Variants in DLG5 observed in about 807,000 individuals in gnomAD.
DLG5 encodes the protein disks large homolog 5.
In DLG5, 48 loss-of-function variants were observed where a neutral mutation model predicts 189.8. The observed-to-expected ratio is 0.25, with a 90% CI of 0.20 to 0.32. The LOEUF (loss-of-function observed/expected upper bound fraction) is 0.32. DLG5 is among the 10% of genes least tolerant of loss of function. The pLI is 1.00. For synonymous variants in DLG5, 1,016 were observed against 1,054.1 expected (o/e 0.96, Z 0.70); for missense variants, 2,160 against 2,544.7 (o/e 0.85, Z 3.25).
At chr10:77,891,809 A>C (rs1283785924) in intron 1 of DLG5, among the ~76,000 whole-genome samples, 2 of 152,186 alleles carry the variant, frequency 1.3e-5, no homozygotes, top group African/African-American at 4.8e-5. Flanking sequence ...AAAAGCTCAC[A>C]TTCTGCATGC....
At position 77,853,360 on chromosome 10, in the gene DLG5, C is replaced by T; in HGVS notation, c.858G>A (p.Gln286=). The change falls in exon 5 of 32, where the codon CAG becomes CAA. Residue 286 remains glutamine, a synonymous_variant. Coordinates refer to ENST00000372391, the MANE Select transcript of DLG5 (RefSeq NM_004747.4). ...CTCCAGGGGCTGGGCCTACCTGCTG[C>T]TGCTGGGCACGGAGGTCACCGATCT... ...QKEIGDLRAQ[Q]QQVLKHNGSS... is the part of the protein sequence containing the mutation. 1 of 1,546,522 alleles carries T rather than the reference C, an allele frequency of 6.5e-7. No individual in the cohort carries two copies. Among genetic ancestry groups the T allele is most frequent in the Non-Finnish European group, 8.8e-7 (1 of 1,138,236 alleles).
intron 1 of DLG5, among the ~76,000 whole-genome samples, chr10:77,919,088 C>T (rs1295617223): frequency 6.6e-6 from 1 of 152,030 alleles, no homozygotes; most frequent in African/African-American, 2.4e-5. Flanking sequence ...TGATGGCACA[C>T]ACCTGTAATC....
rs77060090 is a variant in DLG5 at position 77,850,747 on chromosome 10, C to A, written c.864+2607G>T. Among the ~76,000 whole-genome samples, 129 of 152,318 alleles carry A rather than the reference C, an allele frequency of 8.5e-4. 1 individual carries two copies. Among genetic ancestry groups the A allele is most frequent in the Non-Finnish European group, 1.7e-3 (113 of 68,036 alleles). ...ATTAACGACCACAACACTGACTGAG[C>A]GCCTCATACACACGGGCACGCGGCG... On this transcript the variant is annotated intron_variant, in intron 5 of 31. Coordinates refer to ENST00000372391, the MANE Select transcript of DLG5 (RefSeq NM_004747.4).
At chr10:77,940,609 C>A in the DLG5 span, among the ~76,000 whole-genome samples, 1 of 152,090 alleles carries the variant, frequency 6.6e-6, no homozygotes, top group Non-Finnish European at 1.5e-5. Flanking sequence ...CATCTACATG[C>A]CCAGTTCCTT....
At position 77,829,004 on chromosome 10, in the gene DLG5, C is replaced by G; in HGVS notation, c.2186-19G>C. ...CCACTGTCTGCAAGCCACAGGAGGT[C>G]ACTGGGTAGCCCCTGGCCTCGCTGC... On this transcript the variant is annotated intron_variant, in intron 12 of 31. Coordinates refer to ENST00000372391, the MANE Select transcript of DLG5 (RefSeq NM_004747.4). 3 of 1,612,844 alleles carry G rather than the reference C, an allele frequency of 1.9e-6. No individual in the cohort carries two copies. The highest frequency in any genetic ancestry group is 2.5e-6 in the Non-Finnish European group (3 of 1,179,168).
chr10:77,791,099 T>G lies in DLG5; in HGVS notation c.*1341A>C, dbSNP rs1029244316. The G allele has an allele frequency of 3.9e-5, 6 of 152,620 alleles. No individual in the cohort carries two copies. The East Asian group carries it at 1.2e-3, about 29-fold the overall frequency. The allele number at this position is 152,620 out of a possible 1,614,324, so 9.5% of individuals were successfully genotyped here. A position where few individuals can be genotyped will look rare whatever the true frequency, so the allele number is the denominator to read the frequency against. ...TTTTGAACAACTGTGCAAGAAAATA[T>G]ATCCCTTTTTAAAAAACATCAGTTA... is the stretch of plus-strand genomic sequence containing the variant. On this transcript the variant is annotated 3_prime_UTR_variant, in exon 32 of 32. Coordinates refer to ENST00000372391, the MANE Select transcript of DLG5 (RefSeq NM_004747.4).
At chr10:77,874,272 A>G (rs2154577192) in intron 1 of DLG5, among the ~76,000 whole-genome samples, 1 of 152,372 alleles carries the variant, frequency 6.6e-6, no homozygotes, top group East Asian at 1.9e-4. Flanking sequence ...CTCCCAGCCC[A>G]GCCCCTTATG....
intron 20 of DLG5, among the ~76,000 whole-genome samples, chr10:77,815,089 G>A (rs1022515863): frequency 6.6e-6 from 1 of 152,052 alleles, no homozygotes; most frequent in Non-Finnish European, 1.5e-5. Context: ...GGGGAGCTAA[G>A]GGAATGCTTG....
chr10:77,936,092 T>C, the DLG5 span, among the ~76,000 whole-genome samples: 1 of 152,222 alleles, frequency 6.6e-6, no homozygotes, highest in African/African-American at 2.4e-5. Flanking sequence ...TCTTCCAGAC[T>C]GCTTTTGTTG....
chr10:77,805,955 GA>G, intron 26 of DLG5, 94 bp from the exon 27 acceptor site: 1 of 1,234,102 alleles, frequency 8.1e-7, no homozygotes, highest in Non-Finnish European at 1.1e-6. Context: ...AGGTGGGCCA[GA>G]CACTGGGCTC....
chr10:77,795,887 C>T (rs1033467769), intron 29 of DLG5, among the ~76,000 whole-genome samples, 174 bp downstream of exon 29: 1 of 152,178 alleles, frequency 6.6e-6, no homozygotes, highest in Non-Finnish European at 1.5e-5. Context: ...CTTGCAGAAA[C>T]ACACAGCAGC....
intron 1 of DLG5, among the ~76,000 whole-genome samples, chr10:77,878,379 G>C (rs1371520091): frequency 6.6e-6 from 1 of 152,220 alleles, no homozygotes; most frequent in Non-Finnish European, 1.5e-5. Flanking sequence ...AACAGAGCCA[G>C]GCGCACAGCA....
chr10:77,844,245 A>G (rs1369619429), intron 5 of DLG5, among the ~76,000 whole-genome samples: 1 of 152,018 alleles, frequency 6.6e-6, no homozygotes, highest in Non-Finnish European at 1.5e-5. Context: ...GGAGGCCAGC[A>G]CTTCTTGTGT....
chr10:77,932,917 A>G, the DLG5 span, among the ~76,000 whole-genome samples: 1 of 152,238 alleles, frequency 6.6e-6, no homozygotes, highest in African/African-American at 2.4e-5. Context: ...ACAGGGTAAC[A>G]TAGTGAGACT....
chr10:77,849,479 C>T (rs897294879), intron 5 of DLG5, among the ~76,000 whole-genome samples: 3 of 152,254 alleles, frequency 2.0e-5, no homozygotes, highest in Non-Finnish European at 4.4e-5. Context: ...CGGGGCTGGT[C>T]GCCCAGCAGC....
At chr10:77,901,072 G>A (rs542801958) in intron 1 of DLG5, among the ~76,000 whole-genome samples, 2 of 148,510 alleles carry the variant, frequency 1.3e-5, no homozygotes, top group East Asian at 2.0e-4. Flanking sequence ...CCAAGATCGC[G>A]CCATTGCACT....
At chr10:77,915,009 T>C (rs1589279274) in intron 1 of DLG5, among the ~76,000 whole-genome samples, 1 of 152,200 alleles carries the variant, frequency 6.6e-6, no homozygotes, top group East Asian at 1.9e-4. Flanking sequence ...GAATCACATG[T>C]GACTATTTCA....
At chr10:77,931,643 T>A (rs1846786866), upstream of DLG5, among the ~76,000 whole-genome samples, 2 of 152,102 alleles carry the variant, frequency 1.3e-5, no homozygotes, top group South Asian at 4.1e-4. Flanking sequence ...CCTCCTCTAC[T>A]GTCAACTCTG....
At chr10:77,882,604 A>T (rs544057111) in intron 1 of DLG5, among the ~76,000 whole-genome samples, 8 of 152,182 alleles carry the variant, frequency 5.3e-5, no homozygotes, top group African/African-American at 1.9e-4. Context: ...ATGCATACAA[A>T]AGGAAAAGGA....
Sources: gnomAD v4.1 joint callset for allele counts (sites outside exome capture counted in the v4.1 genomes callset) on GRCh38, gnomAD v4.1.1 for gene constraint, MANE v1.5 for transcripts, NCBI Gene and HGNC (gene_info 2026-07-23, HGNC 2026-07-21) for gene names.